The following COL17A1 variants were observed in gnomAD, a reference collection of about 807,000 sequenced individuals.
COL17A1 encodes the protein collagen type XVII alpha 1 chain, also known as collagen alpha-1(XVII) chain.
A neutral mutation model predicts 218.4 loss-of-function variants in COL17A1; 181 were observed. The observed-to-expected ratio is 0.83, with a 90% CI of 0.73 to 0.94. COL17A1 has a LOEUF of 0.94. COL17A1 is among the 40% of genes least tolerant of loss of function. The pLI is 0.00. For synonymous variants in COL17A1, 721 were observed against 731.0 expected, an observed-to-expected ratio of 0.99 and a Z score of 0.22; for missense variants, 1,924 against 1,945.9, an observed-to-expected ratio of 0.99 and a Z score of 0.21.
chr10:104,056,378 C>G (rs538871266), intron 17 of COL17A1, among the ~76,000 whole-genome samples: 1 of 151,988 alleles, frequency 6.6e-6, no homozygotes, highest in Admixed American at 6.6e-5. Flanking sequence ...GTCAGGAAAT[C>G]GAGACCATCC....
rs989850477 is a variant in COL17A1, at chr10:104,070,281, C to T, written c.607+145G>A. ...TAAAACAGGTTGCTATTAGGGAAAG[C>T]CCTGTGCTAGCTGGAATGAGATTTG... On this transcript the variant is annotated intron_variant, in intron 9 of 55. Transcript: ENST00000648076. 9 of 1,510,964 alleles carry T rather than the reference C, an allele frequency of 6.0e-6. No individual in the cohort carries two copies. The African/African-American group carries it at 1.1e-4, about 19-fold the overall frequency. The allele number at this position is 1,510,964 out of a possible 1,614,324, so 93.6% of individuals were successfully genotyped here.
At chr10:104,051,550 G>T (rs1301027787) in intron 24 of COL17A1, 34 bp from the exon 25 acceptor site, 9 of 1,613,612 alleles carry the variant, frequency 5.6e-6, no homozygotes, top group Non-Finnish European at 6.8e-6. Context: ...ATCAGCAGAG[G>T]GGCAGATACA....
chr10:104,066,249 C>T (rs372595183), intron 9 of COL17A1, among the ~76,000 whole-genome samples: 23 of 152,232 alleles, frequency 1.5e-4, no homozygotes, highest in African/African-American at 5.3e-4. Flanking sequence ...ACCTAAAGCC[C>T]CTGCCCAACA....
rs12763538 is a variant in COL17A1, at chr10:104,040,563, C to T, written c.2702-153G>A. The stretch of plus-strand genomic sequence containing the variant: ...ATGAATGGGTGGGTGGATGAATGGG[C>T]GGGTGGGTGGATGGATGGATGGATG... On this transcript the variant is annotated intron_variant, in intron 39 of 55. Transcript: ENST00000648076. 0.75 allele frequency among the ~76,000 whole-genome samples: 109,865 copies of T among 146,374 alleles called. 41,502 individuals carry two copies. Among genetic ancestry groups the T allele is most frequent in the East Asian group, 0.85 (4,342 of 5,098 alleles).
chr10:104,050,085 T>C lies in COL17A1; in HGVS notation c.2164+4A>G, dbSNP rs1332083483. ...ATTAAAGTAGATTCCCATGACAGAC[T>C]GACCTGTGAGGCCTCGAGGTCCTTT... is the stretch of plus-strand genomic sequence containing the variant. On this transcript the variant is annotated splice_donor_region_variant and intron_variant, in intron 28 of 55. Coordinates refer to ENST00000648076, the MANE Select transcript of COL17A1 (RefSeq NM_000494.4). 6.2e-7 allele frequency: 1 copy of C among 1,614,046 alleles called. No homozygotes were observed. The highest frequency in any genetic ancestry group is 1.3e-5 in the African/African-American group (1 of 74,924).
At chr10:104,072,219 C>G in intron 7 of COL17A1, 140 bp from the exon 8 acceptor site, 2 of 1,301,826 alleles carry the variant, frequency 1.5e-6, no homozygotes, top group Non-Finnish European at 2.1e-6. Flanking sequence ...CTAGGTGTGC[C>G]CAAGAAGAGT....
intron 43 of COL17A1, 48 bp downstream of exon 43, chr10:104,039,397 C>T: frequency 6.3e-7 from 1 of 1,591,566 alleles, no homozygotes. Context: ...CTCTGGGCAC[C>T]AGGCTCACCC....
chr10:104,049,515 T>C (rs1370364418), intron 28 of COL17A1, 44 bp from the exon 29 acceptor site: 6 of 1,597,208 alleles, frequency 3.8e-6, no homozygotes, highest in Non-Finnish European at 5.2e-6. Flanking sequence ...TTGCAAGCTG[T>C]GTATGCTTTA....
At chr10:104,037,922 A>T (rs1221854125) in intron 45 of COL17A1, 149 bp from the exon 46 acceptor site, 3 of 879,560 alleles carry the variant, frequency 3.4e-6, no homozygotes, top group Non-Finnish European at 4.9e-6. Flanking sequence ...ACTTCCCCTC[A>T]CTGTCCTTCC....
intron 30 of COL17A1, 81 bp downstream of exon 30, chr10:104,047,987 AT>A (rs1305385913): frequency 6.5e-7 from 1 of 1,540,614 alleles, no homozygotes; most frequent in Admixed American, 1.7e-5. Context: ...CCTCTGCACT[AT>A]GGTTAAGGGG....
chr10:104,076,352 G>A lies in COL17A1; in HGVS notation c.280C>T (p.Pro94Ser). Residue 94 changes from proline (P) to serine (S), a missense_variant, in exon 5 of 56, where the codon CCA becomes TCA. Physicochemically the swap from Pro to Ser is moderately conservative, Grantham distance 74. Transcript: ENST00000648076. ...GTTTTCCTTTCAAAGGTTGAGCCTGGGGAGTTGGGCAGAGTGGAGGCAGGT... is the reference window on the plus strand; with the variant it reads ...GTTTTCCTTTCAAAGGTTGAGCCTGAGGAGTTGGGCAGAGTGGAGGCAGGT... ...HSPASTLPNSPGSTFERKTHV... is the reference protein window; with the variant it reads ...HSPASTLPNSSGSTFERKTHV... The A allele has an allele frequency of 6.2e-7, 1 of 1,614,208 alleles. No individual in the cohort carries two copies. Among genetic ancestry groups the A allele is most frequent in the African/African-American group, 1.3e-5 (1 of 75,046 alleles).
chr10:104,074,218 G>A lies in COL17A1; in HGVS notation c.345C>T (p.Gly115=). 3 of 1,614,184 alleles carry A rather than the reference G, an allele frequency of 1.9e-6. No individual in the cohort carries two copies. Among genetic ancestry groups the A allele is most frequent in the Non-Finnish European group, 1.7e-6 (2 of 1,180,030 alleles). Residue 115 remains glycine, a synonymous_variant, in exon 6 of 56, where the codon GGC becomes GGT. Transcript: ENST00000648076. The part of the protein sequence containing the change: ...TRHAYEGSSS[G]NSSPEYPRKE... ...TCCGAGGGTACTCCGGAGAAGAGTT[G>A]CCACTGGAGCTCCCTGGAGAGGGGA...
Position 104,033,358 on chromosome 10 carries a change from C to G in COL17A1, c.4174G>C (p.Gly1392Arg). The G allele has an allele frequency of 1.2e-6, 2 of 1,610,622 alleles. No homozygotes were observed. Among genetic ancestry groups the G allele is most frequent in the Non-Finnish European group, 1.7e-6 (2 of 1,178,660 alleles). Residue 1392 changes from glycine (G) to arginine (R), a missense_variant, in exon 53 of 56, where the codon GGG becomes CGG. Transcript: ENST00000648076. Reference sequence around the variant, plus strand: ...GGGCCCTGGACAGTGTAGGCCATCCCTTGCAGTAGGCCCTGACCTGTAAAA... The same window carrying G: ...GGGCCCTGGACAGTGTAGGCCATCCGTTGCAGTAGGCCCTGACCTGTAAAA... Reference protein sequence around the residue: ...ESMQRQGLLQGMAYTVQGPPG... With the variant: ...ESMQRQGLLQRMAYTVQGPPG...
intron 42 of COL17A1, 29 bp from the exon 43 acceptor site, chr10:104,039,548 T>A (rs1340897823): frequency 6.2e-7 from 1 of 1,613,970 alleles, no homozygotes; most frequent in East Asian, 2.2e-5. Context: ...CACAGTGCAG[T>A]CAGCCAGGGT....
intron 31 of COL17A1, among the ~76,000 whole-genome samples, 160 bp from the exon 32 acceptor site, chr10:104,046,933 C>G (rs1004867575): frequency 6.6e-6 from 1 of 152,244 alleles, no homozygotes; most frequent in Non-Finnish European, 1.5e-5. Context: ...TTGGACCTCT[C>G]AGCTCTGGAT....
At chr10:104,067,792 G>T (rs368990564) in intron 9 of COL17A1, among the ~76,000 whole-genome samples, 1 of 151,878 alleles carries the variant, frequency 6.6e-6, no homozygotes, top group Admixed American at 6.6e-5. Context: ...GAAAGAAGAA[G>T]AAACTGAGTG....
In COL17A1 at chr10:104,032,667, C is replaced by CACTT. The variant is rs1373741354; in HGVS notation, c.4438+3_4438+6dup. On this transcript the variant is annotated splice_region_variant and intron_variant, in intron 55 of 55. Coordinates refer to ENST00000648076, the MANE Select transcript of COL17A1 (RefSeq NM_000494.4). ...AACATGCAAAACGTGGAGCAGTCAA[C>CACTT]ACTTACCTTTGTCTCCTTTTTCTCC... 2.5e-6 allele frequency: 4 copies of CACTT among 1,613,720 alleles called. No homozygotes were observed. Among genetic ancestry groups the CACTT allele is most frequent in the Non-Finnish European group, 3.4e-6 (4 of 1,179,802 alleles).
In COL17A1 at chr10:104,055,995, C is replaced by A. The variant is rs369368216; in HGVS notation, c.1474G>T (p.Val492Leu). ...LFGLIALAEE[V>L]RKLKARVDEL... The stretch of plus-strand genomic sequence containing the variant: ...TCCACACGCGCCTTCAGCTTCCTCA[C>A]CTCCTCCGCTGCAACAAACAGACAC... Residue 492 changes from valine to leucine, a missense_variant, in exon 18 of 56, where the codon GTG becomes TTG. Coordinates refer to ENST00000648076, the MANE Select transcript of COL17A1 (RefSeq NM_000494.4). 7.4e-6 allele frequency: 12 copies of A among 1,614,222 alleles called. No homozygotes were observed. The highest frequency in any genetic ancestry group is 2.2e-5 in the East Asian group (1 of 44,874).
chr10:104,060,293 A>C lies in COL17A1; in HGVS notation c.980-13T>G. 1 of 1,613,890 alleles carries C rather than the reference A, an allele frequency of 6.2e-7. No homozygotes were observed. Among genetic ancestry groups the C allele is most frequent in the Non-Finnish European group, 8.5e-7 (1 of 1,179,954 alleles). ...CTTGTGGTGCAGGCTGGGGAGAAAG[A>C]AAATGGGTAAGAAGGAAGGACATGT... On this transcript the variant is annotated splice_polypyrimidine_tract_variant and intron_variant, in intron 13 of 55. Coordinates refer to ENST00000648076, the MANE Select transcript of COL17A1 (RefSeq NM_000494.4).
Sources: allele counts gnomAD v4.1 joint callset (sites outside exome capture counted in the v4.1 genomes callset), GRCh38; gene constraint gnomAD v4.1.1; transcripts MANE v1.5; gene names NCBI Gene and HGNC (gene_info 2026-07-23, HGNC 2026-07-21).